The following RBFOX1 variants were observed in gnomAD, a reference collection of about 807,000 sequenced individuals.
RBFOX1 encodes the protein RNA binding fox-1 homolog 1, also known as RNA binding protein fox-1 homolog 1.
RBFOX1 carries 8 observed loss-of-function variants against 57.7 expected under a neutral mutation model. The observed-to-expected ratio is 0.14, with a 90% CI of 0.08 to 0.25. The LOEUF is 0.25. Among genes scored for constraint, RBFOX1 ranks in the 10% least tolerant of loss-of-function variants. The probability of loss-of-function intolerance (pLI) is 1.00; values close to 1 mark genes in which losing one functional copy is unlikely to be tolerated. For missense variants in RBFOX1, 611 were observed against 548.5 expected, an observed-to-expected ratio of 1.11 and a Z score of -1.14; for synonymous variants, 326 against 222.4, an observed-to-expected ratio of 1.47 and a Z score of -4.15.
At chr16:7,548,167 T>C (rs2085154886) in intron 5 of RBFOX1, among the ~76,000 whole-genome samples, 1 of 152,196 alleles carries the variant, frequency 6.6e-6, no homozygotes, top group Admixed American at 6.5e-5. Context: ...TTACTCGTTT[T>C]TCATATTTTA....
At chr16:5,402,405 G>A (rs1212764291) in intron 1 of RBFOX1, among the ~76,000 whole-genome samples, 7 of 152,136 alleles carry the variant, frequency 4.6e-5, no homozygotes, top group African/African-American at 1.2e-4. Context: ...GAGACAAGAC[G>A]TGAGAGGCCA....
At chr16:7,701,793 T>C (rs1329442911) in intron 14 of RBFOX1, among the ~76,000 whole-genome samples, 1 of 152,218 alleles carries the variant, frequency 6.6e-6, no homozygotes, top group Non-Finnish European at 1.5e-5. Context: ...AGATCTGAAG[T>C]CCAGAACTCA....
chr16:7,292,478 T>TTATATATAA (rs2095810094), intron 4 of RBFOX1, among the ~76,000 whole-genome samples: 1 of 144,502 alleles, frequency 6.9e-6, no homozygotes, highest in African/African-American at 2.5e-5. Flanking sequence ...ATATAATGTA[T>TTATATATAA]TATATAATAT....
intron 4 of RBFOX1, among the ~76,000 whole-genome samples, chr16:5,996,111 C>T (rs530884883): frequency 6.6e-6 from 1 of 152,136 alleles, no homozygotes; most frequent in Non-Finnish European, 1.5e-5. Flanking sequence ...AGGATCTCAC[C>T]TCCTAACACC....
chr16:6,101,079 G>C (rs1342459265), intron 1 of RBFOX1, among the ~76,000 whole-genome samples: 1 of 152,196 alleles, frequency 6.6e-6, no homozygotes, highest in Non-Finnish European at 1.5e-5. Context: ...CCTTTGCCAA[G>C]CTCCAAAAAC....
At chr16:7,133,654 T>C (rs778691142) in intron 4 of RBFOX1, among the ~76,000 whole-genome samples, 1 of 152,184 alleles carries the variant, frequency 6.6e-6, no homozygotes, top group African/African-American at 2.4e-5. Context: ...CTTTTCTGTA[T>C]TGGTAGAAAG....
At chr16:7,379,326 A>G (rs34351465) in intron 4 of RBFOX1, among the ~76,000 whole-genome samples, 4,198 of 152,288 alleles carry the variant, frequency 0.028, 64 homozygotes, top group Middle Eastern at 0.051. Context: ...CTGTTTTAAA[A>G]TAATAACAGT....
intron 3 of RBFOX1, among the ~76,000 whole-genome samples, chr16:6,740,057 G>C (rs944376742): frequency 6.6e-6 from 1 of 152,014 alleles, no homozygotes; most frequent in Non-Finnish European, 1.5e-5. Flanking sequence ...TATATAAAAA[G>C]ACTTATGCAC....
At chr16:7,557,619 CAAAA>C (rs1170051114) in intron 5 of RBFOX1, among the ~76,000 whole-genome samples, 3 of 40,766 alleles carry the variant, frequency 7.4e-5, no homozygotes, top group Admixed American at 4.0e-4. Flanking sequence ...GACTCTGTCT[CAAAA>C]AAAAAAAAAA....
intron 2 of RBFOX1, among the ~76,000 whole-genome samples, chr16:6,398,055 C>A (rs1004843906): frequency 6.6e-6 from 1 of 152,142 alleles, no homozygotes; most frequent in African/African-American, 2.4e-5. Context: ...AGGAAACTTA[C>A]AATTATGGCA....
At chr16:5,728,499 G>A (rs957472183) in intron 3 of RBFOX1, among the ~76,000 whole-genome samples, 2 of 152,180 alleles carry the variant, frequency 1.3e-5, no homozygotes, top group Non-Finnish European at 2.9e-5. Context: ...AGGGCTGTGG[G>A]AGCAAATGCC....
At chr16:7,077,976 G>A (rs1048640299) in intron 4 of RBFOX1, among the ~76,000 whole-genome samples, 13 of 152,128 alleles carry the variant, frequency 8.5e-5, no homozygotes, top group Non-Finnish European at 1.9e-4. Context: ...GGGCTGTGCT[G>A]TCTCCTGAGT....
intron 4 of RBFOX1, among the ~76,000 whole-genome samples, chr16:7,191,925 T>C (rs1048492383): frequency 7.9e-5 from 12 of 152,200 alleles, no homozygotes; most frequent in African/African-American, 2.9e-4. Flanking sequence ...AGGAACATCA[T>C]TGTGATAATA....
chr16:6,696,227 A>G (rs1293385773), intron 3 of RBFOX1, among the ~76,000 whole-genome samples: 1 of 152,234 alleles, frequency 6.6e-6, no homozygotes, highest in Non-Finnish European at 1.5e-5. Flanking sequence ...TGAGGTATAC[A>G]ATATCTGTTT....
At chr16:5,810,618 C>T (rs560238191) in intron 3 of RBFOX1, among the ~76,000 whole-genome samples, 2 of 152,124 alleles carry the variant, frequency 1.3e-5, no homozygotes, top group African/African-American at 4.8e-5. Context: ...TGGGTTGACC[C>T]AGCCCGTGGA....
At chr16:6,783,412 T>C (rs1294098291) in intron 3 of RBFOX1, among the ~76,000 whole-genome samples, 3 of 149,848 alleles carry the variant, frequency 2.0e-5, no homozygotes, top group Non-Finnish European at 4.4e-5. Context: ...CTGTTAAAGG[T>C]TTTTGCTTTG....
intron 3 of RBFOX1, among the ~76,000 whole-genome samples, chr16:7,006,118 C>T (rs1352278917): frequency 6.6e-6 from 1 of 152,048 alleles, no homozygotes; most frequent in Non-Finnish European, 1.5e-5. Flanking sequence ...ACATCTTTGG[C>T]TAGAGGACAT....
intron 1 of RBFOX1, among the ~76,000 whole-genome samples, chr16:6,040,474 G>T (rs1208547498): frequency 6.6e-6 from 1 of 152,166 alleles, no homozygotes; most frequent in Non-Finnish European, 1.5e-5. Context: ...TCCTTTTGTG[G>T]CTGGTTTCTT....
At chr16:6,414,024 C>A (rs533588400) in intron 2 of RBFOX1, among the ~76,000 whole-genome samples, 2 of 152,180 alleles carry the variant, frequency 1.3e-5, no homozygotes, top group Non-Finnish European at 2.9e-5. Flanking sequence ...CCATAGGGAT[C>A]GTTCCGCGCA....
Sources: allele counts gnomAD v4.1 joint callset (sites outside exome capture counted in the v4.1 genomes callset), GRCh38; gene constraint gnomAD v4.1.1; transcripts MANE v1.5; gene names NCBI Gene and HGNC (gene_info 2026-07-23, HGNC 2026-07-21).